Variants in LRRCC1 observed in about 807,000 individuals in gnomAD.
The protein encoded by LRRCC1 is leucine-rich repeat and coiled-coil domain-containing protein 1.
In LRRCC1, 115 loss-of-function variants were observed where a neutral mutation model predicts 126.0. The ratio of observed to expected loss-of-function variants is 0.91; its 90% CI spans 0.78 to 1.07. The LOEUF is 1.07. Among genes scored for constraint, LRRCC1 ranks in the 50% least tolerant of loss-of-function variants. LRRCC1 has a pLI of 0.00. For missense variants in LRRCC1, 1,172 were observed against 1,175.7 expected (o/e 1.00, Z 0.05); for synonymous variants, 400 against 393.4 (o/e 1.02, Z -0.20).
chr8:85,123,715 T>C, intron 7 of LRRCC1, 109 bp downstream of exon 7: 1 of 828,644 alleles, frequency 1.2e-6, no homozygotes, highest in East Asian at 2.8e-5. Context: ...TGTTGAAGAT[T>C]TGATTTTTCA....
At chr8:85,129,108 G>A in intron 9 of LRRCC1, 67 bp from the exon 10 acceptor site, 1 of 1,146,570 alleles carries the variant, frequency 8.7e-7, no homozygotes, top group Non-Finnish European at 1.3e-6. Flanking sequence ...TACTCTCATT[G>A]AAGTCAACAA....
Position 85,135,971 on chromosome 8 carries a change from TC to T in LRRCC1, c.2329+9del. Reference sequence around the variant, plus strand: ...ATGAGCTGGCACAACAAGGTAAAATTCTCAGATTTTCAAAGGGAAAATAGCT... The same window carrying T: ...ATGAGCTGGCACAACAAGGTAAAATTTCAGATTTTCAAAGGGAAAATAGCT... On this transcript the variant is annotated intron_variant, in intron 14 of 18. Coordinates refer to ENST00000360375, the MANE Select transcript of LRRCC1 (RefSeq NM_033402.5). 6.5e-7 allele frequency: 1 copy of T among 1,547,808 alleles called. No individual in the cohort carries two copies. Among genetic ancestry groups the T allele is most frequent in the Non-Finnish European group, 8.7e-7 (1 of 1,148,200 alleles).
intron 8 of LRRCC1, among the ~76,000 whole-genome samples, chr8:85,125,667 C>A (rs1262593612): frequency 1.7e-4 from 2 of 12,000 alleles, no homozygotes; most frequent in African/African-American, 8.5e-4. Flanking sequence ...AGCGAGACTC[C>A]GTCAAAAAAA....
intron 1 of LRRCC1, 47 bp from the exon 2 acceptor site, chr8:85,109,548 G>T (rs1214854092): frequency 8.8e-7 from 1 of 1,131,576 alleles, no homozygotes; most frequent in Non-Finnish European, 1.3e-6. Context: ...TAGTTATTTG[G>T]TCATGCTTTT....
intron 6 of LRRCC1, among the ~76,000 whole-genome samples, chr8:85,119,736 G>A (rs1033256998): frequency 6.6e-6 from 1 of 151,984 alleles, no homozygotes; most frequent in Non-Finnish European, 1.5e-5. Context: ...GGCCTCAAGC[G>A]ATCCTCCTGC....
At chr8:85,111,905 C>A (rs1211105487) in intron 3 of LRRCC1, among the ~76,000 whole-genome samples, 4 of 150,278 alleles carry the variant, frequency 2.7e-5, no homozygotes, top group African/African-American at 9.8e-5. Context: ...GGTAAAGTCT[C>A]GCTCTGGGGT....
Position 85,109,641 on chromosome 8 carries a change from CATTG to C in LRRCC1, c.152_155del (p.His51ProfsTer19), listed in dbSNP as rs1445665932. 6.2e-7 allele frequency: 1 copy of C among 1,611,420 alleles called. No individual in the cohort carries two copies. The highest frequency in any genetic ancestry group is 1.7e-5 in the Admixed American group (1 of 59,920). ...TTCAACTCTTCATGCCGTCAATCTT[CATTG>C]CAATAACATCTCCAAGATCGAAGCC... On this transcript the variant is annotated frameshift_variant, in exon 2 of 19. Coordinates refer to ENST00000360375, the MANE Select transcript of LRRCC1 (RefSeq NM_033402.5). LOFTEE classifies it high-confidence loss of function.
chr8:85,137,422 A>C, intron 14 of LRRCC1, 42 bp from the exon 15 acceptor site: 3 of 1,351,830 alleles, frequency 2.2e-6, no homozygotes, highest in Non-Finnish European at 2.0e-6. Flanking sequence ...ACAAACCCCC[A>C]AGGTGTTTCA....
At chr8:85,118,194 A>C (rs1394083041) in intron 6 of LRRCC1, among the ~76,000 whole-genome samples, 1 of 151,982 alleles carries the variant, frequency 6.6e-6, no homozygotes, top group Non-Finnish European at 1.5e-5. Context: ...AATCCATGCT[A>C]TTATGTATAT....
chr8:85,125,811 G>A (rs1187485920), intron 8 of LRRCC1, among the ~76,000 whole-genome samples: 1 of 151,280 alleles, frequency 6.6e-6, no homozygotes, highest in Non-Finnish European at 1.5e-5. Flanking sequence ...TATTACTTGT[G>A]TATTGTTCTT....
chr8:85,129,125 C>A (rs781250547), intron 9 of LRRCC1, 50 bp from the exon 10 acceptor site: 1 of 1,337,762 alleles, frequency 7.5e-7, no homozygotes, highest in Admixed American at 2.1e-5. Flanking sequence ...ACAATTTTAT[C>A]ATTTTTATAT....
At chr8:85,132,258 A>G (rs1301782851) in intron 12 of LRRCC1, among the ~76,000 whole-genome samples, 1 of 152,176 alleles carries the variant, frequency 6.6e-6, no homozygotes, top group African/African-American at 2.4e-5. Flanking sequence ...CCCAGGCCAA[A>G]TATGGCCCAC....
chr8:85,138,811 G>C (rs1315669954), intron 17 of LRRCC1, among the ~76,000 whole-genome samples: 1 of 152,134 alleles, frequency 6.6e-6, no homozygotes, highest in African/African-American at 2.4e-5. Context: ...TTGGGAGGCC[G>C]AGGTGGGTGG....
intron 6 of LRRCC1, 126 bp downstream of exon 6, chr8:85,115,710 G>A (rs2135930407): frequency 1.5e-6 from 1 of 657,276 alleles, no homozygotes; most frequent in East Asian, 2.7e-5. Flanking sequence ...GTGTATTTTT[G>A]TTTTCCTCTA....
At chr8:85,134,164 C>T (rs1810690643) in intron 12 of LRRCC1, among the ~76,000 whole-genome samples, 1 of 152,180 alleles carries the variant, frequency 6.6e-6, no homozygotes, top group African/African-American at 2.4e-5. Context: ...CCCACATCTC[C>T]CAACACTTCA....
chr8:85,137,749 A>T (rs779452362), intron 15 of LRRCC1, 122 bp downstream of exon 15: 2 of 673,078 alleles, frequency 3.0e-6, no homozygotes, highest in South Asian at 3.6e-5. Context: ...GGTAGATATC[A>T]TGCATTTCTT....
intron 17 of LRRCC1, among the ~76,000 whole-genome samples, chr8:85,139,451 A>T (rs543417697): frequency 1.3e-4 from 20 of 152,234 alleles, no homozygotes; most frequent in Admixed American, 1.3e-3. Context: ...TTTTTAGTAG[A>T]GACTGAGTTT....
chr8:85,135,045 A>C lies in LRRCC1; in HGVS notation c.2154+13A>C, dbSNP rs1810753167. 3 of 1,473,444 alleles carry C rather than the reference A, an allele frequency of 2.0e-6. No individual in the cohort carries two copies. Among genetic ancestry groups the C allele is most frequent in the African/African-American group, 2.9e-5 (2 of 68,844 alleles). The allele number at this position is 1,473,444 out of a possible 1,614,324, so 91.3% of individuals were successfully genotyped here. On this transcript the variant is annotated intron_variant, in intron 13 of 18. Transcript: ENST00000360375. ...AGCAAATTTACAGGTAAGACTTTGC[A>C]ACATTATATGTTTTAAAATTTTTTT...
At chr8:85,142,031 C>T (rs1477652736) in intron 18 of LRRCC1, among the ~76,000 whole-genome samples, 1 of 152,206 alleles carries the variant, frequency 6.6e-6, no homozygotes, top group Non-Finnish European at 1.5e-5. Context: ...CGCAGTGGCT[C>T]ACGCAAGTAA....
Sources: allele counts gnomAD v4.1 joint callset (sites outside exome capture counted in the v4.1 genomes callset), GRCh38; gene constraint gnomAD v4.1.1; transcripts MANE v1.5; gene names NCBI Gene and HGNC (gene_info 2026-07-23, HGNC 2026-07-21).